DLG2: variants seen among roughly 807,000 people sequenced by gnomAD.
DLG2 encodes disks large homolog 2.
A neutral mutation model predicts 132.5 loss-of-function variants in DLG2; 45 were observed. The observed-to-expected ratio is 0.34, with a 90% CI of 0.27 to 0.44. DLG2 has a LOEUF of 0.44. Ranked by LOEUF, DLG2 falls within the 20% of genes least tolerant of loss-of-function variation. DLG2 has a pLI of 1.00. For synonymous variants in DLG2, 424 were observed against 419.6 expected, an observed-to-expected ratio of 1.01 and a Z score of -0.13; for missense variants, 1,045 against 1,196.9, an observed-to-expected ratio of 0.87 and a Z score of 1.87.
At position 84,559,509 on chromosome 11, in the gene DLG2, T is replaced by G. The variant is rs190257394; in HGVS notation, c.358-24778A>C. ...TAATTCAGTTGACACATAAAATATTTTTTTCAGCAAACATATTATTGATTT... is the reference window on the plus strand; with the variant it reads ...TAATTCAGTTGACACATAAAATATTGTTTTCAGCAAACATATTATTGATTT... On this transcript the variant is annotated intron_variant, in intron 6 of 27. Transcript: ENST00000376104. Among the ~76,000 whole-genome samples, 201 of 152,284 alleles carry G rather than the reference T, an allele frequency of 1.3e-3. 1 individual carries two copies. The highest frequency in any genetic ancestry group is 4.6e-3 in the African/African-American group (193 of 41,570).
At chr11:84,844,085 G>GTGTGTA (rs1221044786) in intron 6 of DLG2, among the ~76,000 whole-genome samples, 5,158 of 92,894 alleles carry the variant, frequency 0.056, 277 homozygotes, top group Non-Finnish European at 0.091. Context: ...GTGTGTGTGT[G>GTGTGTA]TATATATATA....
intron 6 of DLG2, among the ~76,000 whole-genome samples, chr11:84,615,610 T>C (rs2099602523): frequency 2.6e-5 from 4 of 151,896 alleles, no homozygotes; most frequent in South Asian, 2.1e-4. Context: ...TTACAGCATA[T>C]ACTCTTCTAG....
intron 7 of DLG2, among the ~76,000 whole-genome samples, chr11:84,473,002 G>C (rs929573121): frequency 2.0e-5 from 3 of 151,994 alleles, no homozygotes; most frequent in Non-Finnish European, 4.4e-5. Flanking sequence ...CCAACATAGA[G>C]TGGCAGTAAT....
intron 6 of DLG2, among the ~76,000 whole-genome samples, chr11:84,580,762 A>G (rs984867058): frequency 2.6e-5 from 4 of 152,152 alleles, no homozygotes; most frequent in Admixed American, 2.0e-4. Flanking sequence ...TTTCATCCTT[A>G]CCCTACGCAA....
chr11:83,888,970 G>C (rs546244091), intron 15 of DLG2, among the ~76,000 whole-genome samples: 68 of 152,286 alleles, frequency 4.5e-4, no homozygotes, highest in Middle Eastern at 6.8e-3. Context: ...ATGGATTAAA[G>C]ACTTAAATGT....
At chr11:83,536,605 A>C (rs2095883885) in intron 20 of DLG2, among the ~76,000 whole-genome samples, 1 of 151,710 alleles carries the variant, frequency 6.6e-6, no homozygotes, top group East Asian at 1.9e-4. Context: ...TCAAATTTTG[A>C]AAAATGGAAA....
intron 7 of DLG2, among the ~76,000 whole-genome samples, chr11:84,504,723 C>T (rs564390744): frequency 8.6e-4 from 130 of 151,968 alleles, no homozygotes; most frequent in African/African-American, 3.0e-3. Flanking sequence ...GTTAGAAATA[C>T]AAGTAATGAC....
intron 19 of DLG2, among the ~76,000 whole-genome samples, chr11:83,608,858 T>G (rs1279759548): frequency 2.6e-5 from 4 of 152,142 alleles, no homozygotes; most frequent in Non-Finnish European, 2.9e-5. Context: ...ATGAACTGCT[T>G]TATTTCATTT....
chr11:85,138,955 T>C (rs1158303688), intron 5 of DLG2, among the ~76,000 whole-genome samples: 1 of 152,074 alleles, frequency 6.6e-6, no homozygotes, highest in East Asian at 1.9e-4. Flanking sequence ...TAATTCTTCC[T>C]CCGGGCCTTG....
At chr11:85,465,915 C>T (rs2153066676) in intron 3 of DLG2, among the ~76,000 whole-genome samples, 1 of 152,100 alleles carries the variant, frequency 6.6e-6, no homozygotes, top group Non-Finnish European at 1.5e-5. Flanking sequence ...AGTTTACAGT[C>T]CCACCAACAG....
chr11:84,143,901 G>A (rs986380444), intron 9 of DLG2, among the ~76,000 whole-genome samples: 42 of 152,024 alleles, frequency 2.8e-4, no homozygotes, highest in Non-Finnish European at 4.4e-5. Context: ...AAGGGTTTGG[G>A]GATAAGGTAC....
chr11:83,500,196 T>C (rs982364140), intron 21 of DLG2, among the ~76,000 whole-genome samples: 4 of 151,980 alleles, frequency 2.6e-5, no homozygotes, highest in African/African-American at 9.7e-5. Flanking sequence ...TAGCTCCAGT[T>C]CCTAGCACAA....
At chr11:83,899,492 T>C (rs1160852264) in intron 15 of DLG2, among the ~76,000 whole-genome samples, 1 of 152,212 alleles carries the variant, frequency 6.6e-6, no homozygotes, top group Non-Finnish European at 1.5e-5. Flanking sequence ...TTCCCATATG[T>C]TGTGGGAGGG....
intron 7 of DLG2, among the ~76,000 whole-genome samples, chr11:84,278,495 T>C (rs1271664191): frequency 2.0e-5 from 3 of 151,738 alleles, no homozygotes; most frequent in Non-Finnish European, 4.4e-5. Flanking sequence ...GAGGCCAGCA[T>C]TACCCTAATC....
intron 16 of DLG2, among the ~76,000 whole-genome samples, chr11:83,836,959 T>C (rs773370044): frequency 7.9e-5 from 12 of 152,126 alleles, no homozygotes. Context: ...TTCTACCTCA[T>C]TGCCACTAGG....
intron 17 of DLG2, among the ~76,000 whole-genome samples, chr11:83,793,252 A>G (rs1284941252): frequency 6.6e-6 from 1 of 152,128 alleles, no homozygotes; most frequent in African/African-American, 2.4e-5. Context: ...TTCGTACATT[A>G]TTTCATATCA....
intron 11 of DLG2, among the ~76,000 whole-genome samples, chr11:84,019,278 A>C (rs1027050526): frequency 1.3e-5 from 2 of 152,110 alleles, no homozygotes; most frequent in Non-Finnish European, 2.9e-5. Flanking sequence ...TTGAGCTCTT[A>C]ACCAGGATAT....
chr11:85,483,418 G>A (rs1278105344), intron 3 of DLG2, among the ~76,000 whole-genome samples: 1 of 152,112 alleles, frequency 6.6e-6, no homozygotes, highest in Non-Finnish European at 1.5e-5. Context: ...GACTTTCACA[G>A]ACAAACAAAA....
intron 11 of DLG2, among the ~76,000 whole-genome samples, chr11:84,058,567 G>T (rs575990491): frequency 6.7e-6 from 1 of 150,010 alleles, no homozygotes; most frequent in Admixed American, 6.7e-5. Context: ...CATGCCTGTA[G>T]TCCCAGCTAT....
Sources: gnomAD v4.1 joint callset for allele counts (sites outside exome capture counted in the v4.1 genomes callset) on GRCh38, gnomAD v4.1.1 for gene constraint, MANE v1.5 for transcripts, NCBI Gene and HGNC (gene_info 2026-07-23, HGNC 2026-07-21) for gene names.